KCNH6: variants seen among roughly 807,000 people sequenced by gnomAD.
The protein encoded by KCNH6 is voltage-gated inwardly rectifying potassium channel KCNH6.
KCNH6 carries 81 observed loss-of-function variants against 83.4 expected under a neutral mutation model. That is an observed-to-expected ratio of 0.97 (90% confidence interval 0.81 to 1.17). KCNH6 has a LOEUF of 1.17. KCNH6 is among the 50% of genes most tolerant of loss of function. KCNH6 has a pLI of 0.00. For missense variants in KCNH6, 1,203 were observed against 1,290.5 expected (o/e 0.93, Z 1.04); for synonymous variants, 503 against 545.6 (o/e 0.92, Z 1.09).
rs146405382 is a variant in KCNH6, at chr17:63,536,090, G to A, written c.1501+22G>A. ...GGCTGTGAGTGAGACCTCATGCCAC[G>A]GCCTAACTTCATGCTCTGGTCTTAC... On this transcript the variant is annotated intron_variant, in intron 6 of 12. Coordinates refer to ENST00000314672, the MANE Select transcript of KCNH6 (RefSeq NM_001278919.2). 174 of 1,606,184 alleles carry A rather than the reference G, an allele frequency of 1.1e-4. 2 individuals carry two copies. The East Asian group carries it at 2.6e-3, about 24-fold the overall frequency.
chr17:63,537,928 C>T, intron 6 of KCNH6, 137 bp from the exon 7 acceptor site: 4 of 815,468 alleles, frequency 4.9e-6, no homozygotes, highest in Middle Eastern at 3.2e-4. Context: ...CTGGCGCTGT[C>T]CTGGTCACTC....
In KCNH6 at chr17:63,533,894, C is replaced by G; in HGVS notation, c.684C>G (p.Ser228=). ...NVTEKVTQVL[S]LGADVLPEYK... The stretch of plus-strand genomic sequence containing the variant: ...TCGGCCCCCACCCCCAGGTCCTGTC[C>G]CTGGGCGCGGATGTGCTGCCGGAGT... Residue 228 remains serine (S), a synonymous_variant, in exon 5 of 13, where the codon TCC becomes TCG. Transcript: ENST00000314672. The surrounding 1 kb of genome is among the most constrained non-coding windows in gnomAD (Gnocchi z 4.1). 1 of 1,612,714 alleles carries G rather than the reference C, an allele frequency of 6.2e-7. No homozygotes were observed. The highest frequency in any genetic ancestry group is 8.5e-7 in the Non-Finnish European group (1 of 1,179,382).
chr17:63,529,762 C>T (rs1386671782), intron 2 of KCNH6, among the ~76,000 whole-genome samples: 1 of 152,152 alleles, frequency 6.6e-6, no homozygotes, highest in African/African-American at 2.4e-5. Context: ...CCCACTTAAT[C>T]CACCCCCATC....
rs75754003 is a variant in KCNH6, at chr17:63,542,434, C to T, written c.2148C>T (p.Asp716=). ...SKLEVTFNLR[D]AAGGLHSSPR... ...TGGAGGTCACCTTCAACCTGCGGGA[C>T]GTGAGTCAGGGCCAGGTGGGCCAGG... Residue 716 remains aspartate, a splice_region_variant and synonymous_variant, in exon 9 of 13, where the codon GAC becomes GAT. Transcript: ENST00000314672. 5.4e-4 allele frequency: 871 copies of T among 1,613,564 alleles called. 10 individuals carry two copies. In the East Asian group the frequency reaches 0.018, roughly 33 times the overall value.
Position 63,542,235 on chromosome 17 carries a change from T to C in KCNH6, c.1955-6T>C. ...CTGAAGAGACTCCCACCCCTCTGGC[T>C]GGCAGGAAAGAATGACATCTTTGGG... On this transcript the variant is annotated splice_region_variant and splice_polypyrimidine_tract_variant and intron_variant, in intron 8 of 12. Transcript: ENST00000314672. 3.1e-6 allele frequency: 5 copies of C among 1,613,198 alleles called. No homozygotes were observed. Among genetic ancestry groups the C allele is most frequent in the Non-Finnish European group, 4.2e-6 (5 of 1,179,452 alleles).
chr17:63,538,320 CG>C lies in KCNH6; in HGVS notation c.1701+61del. On this transcript the variant is annotated intron_variant, in intron 7 of 12. Coordinates refer to ENST00000314672, the MANE Select transcript of KCNH6 (RefSeq NM_001278919.2). This position sits in a 1 kb window ranked among gnomAD's most constrained non-coding sequence, Gnocchi z 4.0. ...GGCGTGGGGGGGAGCCAAGATCCTG[CG>C]GGGGCGGGGCGTCCCCAGAGCCCTC... is the stretch of plus-strand genomic sequence containing the variant. The C allele has an allele frequency of 6.2e-7, 1 of 1,609,134 alleles. No individual in the cohort carries two copies. Among genetic ancestry groups the C allele is most frequent in the Non-Finnish European group, 8.5e-7 (1 of 1,177,466 alleles).
rs149730894 is a variant in KCNH6, at chr17:63,538,469, A to C, written c.1761A>C (p.Ala587=). The part of the protein sequence containing the change: ...QADICLHLHR[A]LLQHCPAFSG... ...ACATCTGCCTGCACCTGCACCGCGC[A>C]CTGCTGCAGCACTGCCCAGCTTTCA... is the stretch of plus-strand genomic sequence containing the variant. Residue 587 remains alanine (A), a synonymous_variant, in exon 8 of 13, where the codon GCA becomes GCC. Transcript: ENST00000314672. The surrounding 1 kb of genome is among the most constrained non-coding windows in gnomAD (Gnocchi z 4.0). 585 of 1,604,514 alleles carry C rather than the reference A, an allele frequency of 3.6e-4. 2 individuals are homozygous for C. Among genetic ancestry groups the C allele is most frequent in the Non-Finnish European group, 4.1e-4 (478 of 1,176,176 alleles).
rs74561230 is a variant in KCNH6 at position 63,538,604 on chromosome 17, C to T, written c.1896C>T (p.Tyr632=). Residue 632 remains tyrosine (Y), a synonymous_variant, in exon 8 of 13, where the codon TAC becomes TAT. Transcript: ENST00000314672. This position sits in a 1 kb window ranked among gnomAD's most constrained non-coding sequence, Gnocchi z 4.0. ...VHLGDVLSTL[Y]FISRGSIEIL... is the part of the protein sequence containing the mutation. The stretch of plus-strand genomic sequence containing the variant: ...TCGGCGACGTGCTCTCCACCCTCTA[C>T]TTCATCTCCCGAGGCTCCATCGAGA... 2.0e-3 allele frequency: 3,213 copies of T among 1,611,868 alleles called. 60 individuals are homozygous for T. The African/African-American group carries it at 0.032, about 16-fold the overall frequency.
chr17:63,525,475 AC>A (rs1414719623), intron 2 of KCNH6, among the ~76,000 whole-genome samples: 1 of 152,216 alleles, frequency 6.6e-6, no homozygotes, highest in Non-Finnish European at 1.5e-5. Flanking sequence ...GCATGAGGCC[AC>A]CTGAGTGGAG....
intron 1 of KCNH6, 67 bp from the exon 2 acceptor site, chr17:63,524,072 G>T: frequency 8.8e-7 from 1 of 1,131,940 alleles, no homozygotes; most frequent in South Asian, 1.2e-5. Flanking sequence ...GAGTCCTTAT[G>T]ATCTTTCCCT....
At chr17:63,544,936 T>C in intron 11 of KCNH6, 142 bp from the exon 12 acceptor site, 1 of 793,038 alleles carries the variant, frequency 1.3e-6, no homozygotes, top group South Asian at 1.6e-5. Context: ...GGGCTGTGGA[T>C]CCCAGTAAGG....
chr17:63,533,874 C>G lies in KCNH6; in HGVS notation c.676-12C>G. ...TGCCCCGTGCCTGACCTCCCTCGGC[C>G]CCCACCCCCAGGTCCTGTCCCTGGG... On this transcript the variant is annotated splice_polypyrimidine_tract_variant and intron_variant, in intron 4 of 12. Coordinates refer to ENST00000314672, the MANE Select transcript of KCNH6 (RefSeq NM_001278919.2). The surrounding 1 kb of genome is among the most constrained non-coding windows in gnomAD (Gnocchi z 4.1). 6.2e-7 allele frequency: 1 copy of G among 1,607,438 alleles called. No homozygotes were observed. The highest frequency in any genetic ancestry group is 8.5e-7 in the Non-Finnish European group (1 of 1,176,618).
chr17:63,524,361 G>A lies in KCNH6; in HGVS notation c.299G>A (p.Arg100His), dbSNP rs139224198. The A allele has an allele frequency of 1.2e-4, 187 of 1,612,150 alleles. No homozygotes were observed. The South Asian group carries it at 1.8e-3, about 16-fold the overall frequency. Residue 100 changes from arginine to histidine, a missense_variant, in exon 2 of 13, where the codon CGC becomes CAC. Arg to His is a conservative substitution (Grantham distance 29). Transcript: ENST00000314672. Reference sequence around the variant, plus strand: ...TGCAAGGTGGACATCCTCTACTACCGCAAGGATGGTGAGGCATACTCAGGC... The same window carrying A: ...TGCAAGGTGGACATCCTCTACTACCACAAGGATGGTGAGGCATACTCAGGC... ...EECKVDILYY[R>H]KDASSFRCLV...
chr17:63,532,772 G>C (rs2032207365), intron 4 of KCNH6, among the ~76,000 whole-genome samples: 1 of 152,154 alleles, frequency 6.6e-6, no homozygotes. Context: ...TCTGGTGGGA[G>C]AGGAGGTCCA....
intron 2 of KCNH6, among the ~76,000 whole-genome samples, chr17:63,525,510 C>T (rs917282524): frequency 4.5e-4 from 68 of 152,282 alleles, no homozygotes; most frequent in African/African-American, 1.6e-3. Flanking sequence ...GTCTCTGGAT[C>T]GGGACCGAGG....
chr17:63,540,990 C>T (rs1419979762), intron 8 of KCNH6, among the ~76,000 whole-genome samples: 1 of 152,218 alleles, frequency 6.6e-6, no homozygotes, highest in African/African-American at 2.4e-5. Context: ...CCCAGCCACC[C>T]CTGGCAGGAG....
At chr17:63,536,161 C>T in intron 6 of KCNH6, 93 bp downstream of exon 6, 1 of 1,139,148 alleles carries the variant, frequency 8.8e-7, no homozygotes. Flanking sequence ...GAACATAACA[C>T]ATAGCAACAA....
chr17:63,538,780 C>A lies in KCNH6; in HGVS notation c.1954+118C>A. 1 of 1,081,542 alleles carries A rather than the reference C, an allele frequency of 9.2e-7. No individual in the cohort carries two copies. Among genetic ancestry groups the A allele is most frequent in the Non-Finnish European group, 1.3e-6 (1 of 758,980 alleles). 67.0% of individuals were successfully genotyped at this position (1,081,542 alleles called of 1,614,324 possible). On this transcript the variant is annotated intron_variant, in intron 8 of 12. Coordinates refer to ENST00000314672, the MANE Select transcript of KCNH6 (RefSeq NM_001278919.2). This position sits in a 1 kb window ranked among gnomAD's most constrained non-coding sequence, Gnocchi z 4.0. ...TGAGGATTTTACTTTTACTGGCAGC[C>A]ACTTGCACAGCATGTGCCCGGGAGA... is the stretch of plus-strand genomic sequence containing the variant.
chr17:63,543,627 C>A lies in KCNH6; in HGVS notation c.2200C>A (p.His734Asn). 1.2e-6 allele frequency: 2 copies of A among 1,613,154 alleles called. No homozygotes were observed. Among genetic ancestry groups the A allele is most frequent in the Non-Finnish European group, 1.7e-6 (2 of 1,179,600 alleles). ...CCGACAGGCTCCTGGCAGCCAAGACCACCAAGGTTTCTTTCTCAGTGACAA... is the reference window on the plus strand; with the variant it reads ...CCGACAGGCTCCTGGCAGCCAAGACAACCAAGGTTTCTTTCTCAGTGACAA... Reference protein sequence around the residue: ...SPRQAPGSQDHQGFFLSDNQS... With the variant: ...SPRQAPGSQDNQGFFLSDNQS... Residue 734 changes from histidine (H) to asparagine (N), a missense_variant, in exon 10 of 13, where the codon CAC becomes AAC. By Grantham distance (68) the His-to-Asn change is moderately conservative (BLOSUM62 1). Coordinates refer to ENST00000314672, the MANE Select transcript of KCNH6 (RefSeq NM_001278919.2).
Sources: gnomAD v4.1 joint callset for allele counts (sites outside exome capture counted in the v4.1 genomes callset) on GRCh38, gnomAD v4.1.1 for gene constraint, Gnocchi (gnomAD v3.1) non-coding constraint, MANE v1.5 for transcripts, NCBI Gene and HGNC (gene_info 2026-07-23, HGNC 2026-07-21) for gene names.